ASAH2: variants seen among roughly 807,000 people sequenced by gnomAD.
The protein encoded by ASAH2 is N-acylsphingosine amidohydrolase 2.
ASAH2 carries 58 observed loss-of-function variants against 82.9 expected under a neutral mutation model. The ratio of observed to expected loss-of-function variants is 0.70; its 90% confidence interval spans 0.57 to 0.87. ASAH2 has a LOEUF of 0.87. Ranked by LOEUF, ASAH2 falls within the 40% of genes least tolerant of loss-of-function variation. ASAH2 has a pLI of 0.00. For synonymous variants in ASAH2, 276 were observed against 289.7 expected (o/e 0.95, Z 0.48); for missense variants, 779 against 834.0 (o/e 0.93, Z 0.81).
chr10:50,240,379 C>A (rs1316451841), intron 4 of ASAH2: 3 of 696,326 alleles, frequency 4.3e-6, no homozygotes, highest in Non-Finnish European at 7.8e-6. Context: ...CTTAACTGGA[C>A]CCTCACCAAT....
chr10:50,202,934 A>C lies in ASAH2; in HGVS notation c.1666-10T>G. The C allele has an allele frequency of 6.3e-7, 1 of 1,576,024 alleles. No individual in the cohort carries two copies. Among genetic ancestry groups the C allele is most frequent in the Non-Finnish European group, 8.7e-7 (1 of 1,145,834 alleles). On this transcript the variant is annotated splice_polypyrimidine_tract_variant and intron_variant, in intron 15 of 20. Transcript: ENST00000682911. Reference sequence around the variant, plus strand: ...CATGAGATGCAAATTCCTAGGAGAGAAAGGTAAAACCCAATAAAATTACTC... The same window carrying C: ...CATGAGATGCAAATTCCTAGGAGAGCAAGGTAAAACCCAATAAAATTACTC...
At chr10:50,225,740 TC>T (rs1446583948) in intron 7 of ASAH2, among the ~76,000 whole-genome samples, 2 of 152,154 alleles carry the variant, frequency 1.3e-5, no homozygotes, top group Non-Finnish European at 2.9e-5. Context: ...GGCTCAGGAA[TC>T]CCATTCTAGG....
At chr10:50,233,746 T>C (rs1446086905) in intron 6 of ASAH2, among the ~76,000 whole-genome samples, 2 of 152,118 alleles carry the variant, frequency 1.3e-5, no homozygotes, top group South Asian at 4.1e-4. Context: ...AGAAAAATGT[T>C]AAATGTCAAG....
chr10:50,220,060 G>A (rs1488261754), intron 7 of ASAH2, among the ~76,000 whole-genome samples: 1 of 152,202 alleles, frequency 6.6e-6, no homozygotes, highest in Non-Finnish European at 1.5e-5. Flanking sequence ...TATACATTAA[G>A]AGACTTAAAA....
chr10:50,245,157 G>T, intron 3 of ASAH2, 65 bp downstream of exon 3: 1 of 1,290,448 alleles, frequency 7.7e-7, no homozygotes, highest in Non-Finnish European at 1.1e-6. Flanking sequence ...AGAAATGAAT[G>T]CAGGTTGTAA....
chr10:50,225,111 T>G (rs1845845550), intron 7 of ASAH2, among the ~76,000 whole-genome samples: 1 of 152,178 alleles, frequency 6.6e-6, no homozygotes, highest in African/African-American at 2.4e-5. Flanking sequence ...ATAACAATAT[T>G]GGAGAAATAT....
chr10:50,229,882 C>T (rs1185717339), intron 7 of ASAH2, among the ~76,000 whole-genome samples: 1 of 152,186 alleles, frequency 6.6e-6, no homozygotes, highest in African/African-American at 2.4e-5. Flanking sequence ...CCTTTCTTAG[C>T]ACTGAGCCCA....
rs1302614594 is a variant in ASAH2, at chr10:50,186,074, A to C, written c.*1241T>G. ...GCAAGGTATTTTACAATGCCCAAAA[A>C]TAACTTTCAAAATAGTATTTAGCAA... On this transcript the variant is annotated 3_prime_UTR_variant, in exon 21 of 21. Coordinates refer to ENST00000682911, the MANE Select transcript of ASAH2 (RefSeq NM_019893.4). 25 of 147,274 alleles carry C rather than the reference A, an allele frequency of 1.7e-4. No individual in the cohort carries two copies. The highest frequency in any genetic ancestry group is 3.1e-4 in the Non-Finnish European group (21 of 66,992). 9.1% of individuals were successfully genotyped at this position (147,274 alleles called of 1,614,324 possible).
At chr10:50,195,728 T>A (rs1263769097) in intron 18 of ASAH2, among the ~76,000 whole-genome samples, 1 of 151,746 alleles carries the variant, frequency 6.6e-6, no homozygotes, top group Admixed American at 6.6e-5. Context: ...AAGAATGAGA[T>A]CCTTACATTT....
intron 7 of ASAH2, among the ~76,000 whole-genome samples, chr10:50,222,753 T>G (rs1845780173): frequency 6.6e-6 from 1 of 152,186 alleles, no homozygotes; most frequent in African/African-American, 2.4e-5. Flanking sequence ...AATAGCAAAC[T>G]TGTCACAGCA....
chr10:50,231,701 A>G (rs1846026026), intron 7 of ASAH2, among the ~76,000 whole-genome samples: 1 of 152,174 alleles, frequency 6.6e-6, no homozygotes, highest in Non-Finnish European at 1.5e-5. Flanking sequence ...TAGTAGAAGA[A>G]TAAGTCCATT....
rs1018833550 is a variant in ASAH2 at position 50,211,197 on chromosome 10, C to T, written c.1228-63G>A. On this transcript the variant is annotated intron_variant, in intron 10 of 20. Coordinates refer to ENST00000682911, the MANE Select transcript of ASAH2 (RefSeq NM_019893.4). ...GCTAAAGTGATCATCTCCAACTGTA[C>T]TCAGGAAGTACCAATTTGATGCAAT... 9,336 of 1,167,718 alleles carry T rather than the reference C, an allele frequency of 8.0e-3. 541 individuals carry two copies. The African/African-American group carries it at 0.12, about 15-fold the overall frequency. The allele number at this position is 1,167,718 out of a possible 1,614,324, so 72.3% of individuals were successfully genotyped here.
At chr10:50,249,724 A>C (rs888876240) in intron 1 of ASAH2, among the ~76,000 whole-genome samples, 1 of 152,220 alleles carries the variant, frequency 6.6e-6, no homozygotes, top group Non-Finnish European at 1.5e-5. Context: ...TTTTTAATAG[A>C]TTCCAAAGTA....
chr10:50,233,703 A>G (rs1454843671), intron 6 of ASAH2, among the ~76,000 whole-genome samples: 1 of 152,116 alleles, frequency 6.6e-6, no homozygotes, highest in Non-Finnish European at 1.5e-5. Flanking sequence ...TTTTCTAAAA[A>G]TCATCTCCTT....
intron 12 of ASAH2, among the ~76,000 whole-genome samples, chr10:50,209,297 ATGTT>A (rs1198668603): frequency 1.3e-5 from 2 of 152,288 alleles, no homozygotes; most frequent in East Asian, 3.9e-4. Context: ...AAAATTAAGA[ATGTT>A]TGTGCTTCAA....
In ASAH2 at chr10:50,206,092, T is replaced by C; in HGVS notation, c.1420A>G (p.Thr474Ala). 6.2e-7 allele frequency: 1 copy of C among 1,608,760 alleles called. No individual in the cohort carries two copies. The highest frequency in any genetic ancestry group is 1.1e-5 in the South Asian group (1 of 90,958). Residue 474 changes from threonine (T) to alanine (A), a missense_variant, in exon 13 of 21, where the codon ACA (threonine) becomes GCA (alanine). Coordinates refer to ENST00000682911, the MANE Select transcript of ASAH2 (RefSeq NM_019893.4). ...VGGLNFTQGK[T>A]EGDPFWDTIR... Reference sequence around the variant, plus strand: ...GTGTCCCAAAATGGATCCCCTTCTGTTTTCCCTATTAGAAATGTTATAATT... The same window carrying C: ...GTGTCCCAAAATGGATCCCCTTCTGCTTTCCCTATTAGAAATGTTATAATT...
intron 2 of ASAH2, among the ~76,000 whole-genome samples, chr10:50,247,975 C>T (rs1249412244): frequency 1.3e-5 from 2 of 152,210 alleles, no homozygotes; most frequent in South Asian, 2.1e-4. Context: ...ACAAGAATTG[C>T]ACCTGTCTCC....
chr10:50,193,094 T>C (rs1200357750), intron 18 of ASAH2, among the ~76,000 whole-genome samples: 2 of 77,564 alleles, frequency 2.6e-5, no homozygotes, highest in Admixed American at 1.7e-4. Context: ...TATGCTTACA[T>C]TTATACTTAA....
At chr10:50,229,348 G>A (rs1215152193) in intron 7 of ASAH2, among the ~76,000 whole-genome samples, 1 of 152,122 alleles carries the variant, frequency 6.6e-6, no homozygotes, top group Non-Finnish European at 1.5e-5. Flanking sequence ...ATGCTTTCAT[G>A]TAAGGGGAAA....
Sources: gnomAD v4.1 joint callset for allele counts (sites outside exome capture counted in the v4.1 genomes callset) on GRCh38, gnomAD v4.1.1 for gene constraint, MANE v1.5 for transcripts, NCBI Gene and HGNC (gene_info 2026-07-23, HGNC 2026-07-21) for gene names.